SBF2: variants seen among roughly 807,000 people sequenced by gnomAD.
SBF2 encodes the protein SET binding factor 2, also known as myotubularin-related protein 13.
In SBF2, 112 loss-of-function variants were observed where a neutral mutation model predicts 225.2. The ratio of observed to expected loss-of-function variants is 0.50; its 90% CI spans 0.43 to 0.58. SBF2 has a LOEUF of 0.58. SBF2 is among the 20% of genes least tolerant of loss of function. The pLI is 0.00. For missense variants in SBF2, 1,996 were observed against 2,206.2 expected (o/e 0.90, Z 1.91); for synonymous variants, 763 against 773.3 (o/e 0.99, Z 0.22).
intron 1 of SBF2, among the ~76,000 whole-genome samples, chr11:10,196,864 A>AT (rs1464688140): frequency 0.22 from 13,737 of 61,288 alleles, 1,101 homozygotes; most frequent in Non-Finnish European, 0.28. Context: ...ATATATATAT[A>AT]TATTTTTTTT....
In SBF2 at chr11:9,780,485, C is replaced by T. The variant is rs146064484; in HGVS notation, c.5483G>A (p.Cys1828Tyr). Residue 1828 changes from cysteine (C) to tyrosine (Y), a missense_variant, in exon 40 of 40, where the codon TGC (cysteine) becomes TAC (tyrosine). By Grantham distance (194) the Cys-to-Tyr change is radical. Transcript: ENST00000256190. ...LKTSKRVYNF[C>Y]AQDGQSAQQW... ...CTGGGCACTCTGTCCATCCTGGGCG[C>T]AGAAGTTATACACACGTTTGCTGGT... The T allele has an allele frequency of 1.1e-5, 17 of 1,614,016 alleles. No homozygotes were observed. The highest frequency in any genetic ancestry group is 1.4e-5 in the Non-Finnish European group (17 of 1,180,016).
intron 1 of SBF2, among the ~76,000 whole-genome samples, chr11:10,257,664 C>CAAAA (rs58743421): frequency 3.6e-4 from 14 of 39,056 alleles, no homozygotes; most frequent in Non-Finnish European, 5.7e-4. Flanking sequence ...GGCCTTGCCT[C>CAAAA]AAAAAAAAAA....
chr11:9,993,627 G>A (rs1293071101), intron 10 of SBF2, among the ~76,000 whole-genome samples: 1 of 152,146 alleles, frequency 6.6e-6, no homozygotes, highest in Non-Finnish European at 1.5e-5. Flanking sequence ...TTTGATGCTT[G>A]GCACAGTTTT....
intron 6 of SBF2, among the ~76,000 whole-genome samples, chr11:10,025,467 G>A (rs1256740201): frequency 1.3e-5 from 2 of 152,028 alleles, no homozygotes; most frequent in African/African-American, 4.8e-5. Context: ...CAGCTTCTCA[G>A]CCATTTCTTC....
intron 39 of SBF2, chr11:9,780,831 C>G: frequency 2.6e-6 from 1 of 380,740 alleles, no homozygotes; most frequent in South Asian, 2.2e-5. Context: ...CTTTCCCATG[C>G]ACTGCACCAA....
intron 2 of SBF2, among the ~76,000 whole-genome samples, chr11:10,184,869 G>A (rs1956870513): frequency 6.6e-6 from 1 of 152,170 alleles, no homozygotes; most frequent in African/African-American, 2.4e-5. Flanking sequence ...TGGGACTACA[G>A]GCGCCCACCA....
intron 1 of SBF2, among the ~76,000 whole-genome samples, chr11:10,284,507 C>G (rs534293992): frequency 4.6e-5 from 7 of 151,422 alleles, no homozygotes; most frequent in Non-Finnish European, 1.0e-4. Flanking sequence ...GTACCAGGCA[C>G]CCTTCTTTCT....
chr11:10,196,837 A>AATATATATATAT (rs71313475), intron 1 of SBF2, among the ~76,000 whole-genome samples: 9 of 83,506 alleles, frequency 1.1e-4, no homozygotes, highest in African/African-American at 3.4e-4. Context: ...TTCTTGCATA[A>AATATATATATAT]ATATATATAT....
At chr11:10,202,081 T>A (rs1400884946) in intron 1 of SBF2, among the ~76,000 whole-genome samples, 2 of 152,198 alleles carry the variant, frequency 1.3e-5, no homozygotes, top group Non-Finnish European at 2.9e-5. Context: ...AAACATATGA[T>A]CTAGCACTTT....
At chr11:9,908,407 C>T (rs1034146316) in intron 16 of SBF2, among the ~76,000 whole-genome samples, 12 of 151,508 alleles carry the variant, frequency 7.9e-5, no homozygotes, top group African/African-American at 2.4e-4. Flanking sequence ...GGGTAGATCA[C>T]GAGGTCAGGA....
At chr11:10,050,199 A>C (rs1485828336) in intron 2 of SBF2, among the ~76,000 whole-genome samples, 1 of 152,212 alleles carries the variant, frequency 6.6e-6, no homozygotes, top group African/African-American at 2.4e-5. Context: ...CAGGTTTTCA[A>C]TAAGGACAAA....
At chr11:9,829,744 C>A in intron 27 of SBF2, 1 of 453,516 alleles carries the variant, frequency 2.2e-6, no homozygotes, top group Non-Finnish European at 4.0e-6. Context: ...CAGAAAGAGC[C>A]CAGGTCTGGA....
chr11:9,990,420 C>A (rs1018109703), intron 12 of SBF2, among the ~76,000 whole-genome samples: 1 of 152,214 alleles, frequency 6.6e-6, no homozygotes, highest in African/African-American at 2.4e-5. Context: ...CATAACACCC[C>A]ATTGTGGTAG....
At chr11:10,143,993 A>G (rs1337470470) in intron 2 of SBF2, among the ~76,000 whole-genome samples, 1 of 152,092 alleles carries the variant, frequency 6.6e-6, no homozygotes, top group African/African-American at 2.4e-5. Flanking sequence ...TGCTGGGATT[A>G]CAGGCGTGAG....
At chr11:9,915,401 C>T (rs1038673753) in intron 16 of SBF2, among the ~76,000 whole-genome samples, 1 of 144,768 alleles carries the variant, frequency 6.9e-6, no homozygotes, top group Non-Finnish European at 1.5e-5. Flanking sequence ...AAGCCGAGAT[C>T]GCGCCACTGT....
chr11:10,136,590 G>T (rs1380419911), intron 2 of SBF2, among the ~76,000 whole-genome samples: 1 of 152,178 alleles, frequency 6.6e-6, no homozygotes, highest in Non-Finnish European at 1.5e-5. Flanking sequence ...GTATGGCCAA[G>T]TCAGACAAAA....
intron 2 of SBF2, among the ~76,000 whole-genome samples, chr11:10,075,682 G>A (rs1334483244): frequency 6.6e-6 from 1 of 152,054 alleles, no homozygotes; most frequent in Non-Finnish European, 1.5e-5. Flanking sequence ...ATGATTGTAA[G>A]TTTCCTGAGG....
chr11:9,969,035 T>C (rs186191236), intron 13 of SBF2, among the ~76,000 whole-genome samples: 6 of 152,330 alleles, frequency 3.9e-5, no homozygotes, highest in Admixed American at 3.3e-4. Flanking sequence ...TTTTAAAAAA[T>C]TCTAAACCTA....
At chr11:10,087,347 T>TG (rs1277974838) in intron 2 of SBF2, among the ~76,000 whole-genome samples, 1 of 152,186 alleles carries the variant, frequency 6.6e-6, no homozygotes, top group Non-Finnish European at 1.5e-5. Flanking sequence ...TTGCCATAAT[T>TG]TTTTTTCAAG....
Sources: allele counts gnomAD v4.1 joint callset (sites outside exome capture counted in the v4.1 genomes callset), GRCh38; gene constraint gnomAD v4.1.1; transcripts MANE v1.5; gene names NCBI Gene and HGNC (gene_info 2026-07-23, HGNC 2026-07-21).